CCDC148: variants seen among roughly 807,000 people sequenced by gnomAD.
The protein encoded by CCDC148 is coiled-coil domain-containing protein 148.
In CCDC148, 89 loss-of-function variants were observed where a neutral mutation model predicts 85.7. The observed-to-expected ratio is 1.04, with a 90% CI of 0.87 to 1.24. CCDC148 has a LOEUF of 1.24. CCDC148 is among the 50% of genes most tolerant of loss of function. CCDC148 has a pLI of 0.00. For synonymous variants in CCDC148, 230 were observed against 213.9 expected, an observed-to-expected ratio of 1.08 and a Z score of -0.66; for missense variants, 692 against 671.7, an observed-to-expected ratio of 1.03 and a Z score of -0.33.
At chr2:158,391,404 CA>C (rs1246647168) in intron 1 of CCDC148, among the ~76,000 whole-genome samples, 1 of 152,068 alleles carries the variant, frequency 6.6e-6, no homozygotes, top group Non-Finnish European at 1.5e-5. Flanking sequence ...AACATTTAAC[CA>C]AGATGACACA....
At position 158,178,878 on chromosome 2, in the gene CCDC148, C is replaced by G. The variant is rs1248257051; in HGVS notation, c.1488+1G>C. On this transcript the variant is annotated splice_donor_variant, in intron 12 of 13. Coordinates refer to ENST00000283233, the MANE Select transcript of CCDC148 (RefSeq NM_138803.4). LOFTEE classifies it high-confidence loss of function. The stretch of plus-strand genomic sequence containing the variant: ...CATGAAAATTTCCAAATGAAAAACA[C>G]CTGTTTCCTAAGGGCTTCTAGCCGC... The G allele has an allele frequency of 6.2e-7, 1 of 1,604,866 alleles. No homozygotes were observed. Among genetic ancestry groups the G allele is most frequent in the South Asian group, 1.1e-5 (1 of 89,788 alleles).
At chr2:158,325,928 AC>A (rs1692749084) in intron 7 of CCDC148, among the ~76,000 whole-genome samples, 2 of 152,022 alleles carry the variant, frequency 1.3e-5, no homozygotes, top group African/African-American at 4.8e-5. Context: ...TTGCACTTCT[AC>A]CCCCCAGCCC....
At chr2:158,295,248 A>G (rs983026984) in intron 9 of CCDC148, among the ~76,000 whole-genome samples, 8 of 152,042 alleles carry the variant, frequency 5.3e-5, no homozygotes, top group Non-Finnish European at 1.2e-4. Context: ...TACCAACCAA[A>G]AAGAATCCAG....
intron 9 of CCDC148, among the ~76,000 whole-genome samples, chr2:158,282,238 C>T (rs1358552918): frequency 6.6e-6 from 1 of 152,130 alleles, no homozygotes; most frequent in East Asian, 1.9e-4. Context: ...TGCCCTCTCT[C>T]ACCACTCCTA....
chr2:158,212,878 G>A (rs1686653314), intron 11 of CCDC148, among the ~76,000 whole-genome samples: 1 of 152,112 alleles, frequency 6.6e-6, no homozygotes, highest in Non-Finnish European at 1.5e-5. Flanking sequence ...TACTGTCTAG[G>A]AAAAGAGAAA....
chr2:158,362,818 A>G (rs1030545799), intron 1 of CCDC148, among the ~76,000 whole-genome samples: 2 of 152,186 alleles, frequency 1.3e-5, no homozygotes, highest in Non-Finnish European at 1.5e-5. Flanking sequence ...AATAACTAAG[A>G]TCAGAGAAGA....
chr2:158,303,540 T>C (rs897048709), intron 9 of CCDC148, among the ~76,000 whole-genome samples: 2 of 152,242 alleles, frequency 1.3e-5, no homozygotes, highest in Non-Finnish European at 1.5e-5. Flanking sequence ...GAAGAATTTA[T>C]AGATTTACTT....
At chr2:158,352,910 G>A (rs1413308003) in intron 2 of CCDC148, among the ~76,000 whole-genome samples, 1 of 151,706 alleles carries the variant, frequency 6.6e-6, no homozygotes, top group East Asian at 1.9e-4. Context: ...GAAGAGAGTG[G>A]GGGCCAATAT....
chr2:158,341,137 A>T (rs1682667943), intron 3 of CCDC148, among the ~76,000 whole-genome samples: 1 of 152,150 alleles, frequency 6.6e-6, no homozygotes, highest in African/African-American at 2.4e-5. Context: ...ACAGAGGTAG[A>T]AGTATACTTT....
intron 9 of CCDC148, among the ~76,000 whole-genome samples, chr2:158,255,312 C>T (rs759338286): frequency 8.0e-5 from 12 of 150,824 alleles, no homozygotes; most frequent in East Asian, 1.9e-4. Context: ...AAAAGGGGGG[C>T]GGGTAAAGGA....
chr2:158,332,747 T>A (rs567989868), intron 7 of CCDC148, among the ~76,000 whole-genome samples: 1 of 152,230 alleles, frequency 6.6e-6, no homozygotes, highest in African/African-American at 2.4e-5. Flanking sequence ...GACTTCTTCC[T>A]GGTTTAGACT....
At chr2:158,339,725 A>G (rs1682575751) in intron 5 of CCDC148, among the ~76,000 whole-genome samples, 1 of 152,218 alleles carries the variant, frequency 6.6e-6, no homozygotes, top group Admixed American at 6.5e-5. Flanking sequence ...GCAAAGAGTC[A>G]CATCAACAGG....
intron 1 of CCDC148, among the ~76,000 whole-genome samples, chr2:158,366,345 T>G (rs1057151097): frequency 1.3e-5 from 2 of 152,160 alleles, no homozygotes; most frequent in Non-Finnish European, 1.5e-5. Context: ...AAAAAATTTG[T>G]TATTAGAAAG....
At chr2:158,195,211 T>G (rs1265893315) in intron 11 of CCDC148, among the ~76,000 whole-genome samples, 2 of 152,096 alleles carry the variant, frequency 1.3e-5, no homozygotes, top group Non-Finnish European at 2.9e-5. Flanking sequence ...CTTTTCCCAC[T>G]TTCTACACAC....
At chr2:158,193,329 C>T (rs1173495496) in intron 11 of CCDC148, among the ~76,000 whole-genome samples, 1 of 152,070 alleles carries the variant, frequency 6.6e-6, no homozygotes, top group African/African-American at 2.4e-5. Context: ...TGAACAGAGA[C>T]AAACCTTTCT....
chr2:158,231,484 G>T (rs1370908938), intron 10 of CCDC148, among the ~76,000 whole-genome samples: 1 of 151,952 alleles, frequency 6.6e-6, no homozygotes, highest in Non-Finnish European at 1.5e-5. Context: ...ATATATTTGG[G>T]CATTTAGTAC....
intron 1 of CCDC148, among the ~76,000 whole-genome samples, chr2:158,392,622 A>G (rs1056998187): frequency 3.3e-5 from 5 of 152,130 alleles, no homozygotes; most frequent in Admixed American, 6.6e-5. Context: ...CTATATTTGT[A>G]AACTATTACA....
At chr2:158,425,926 T>C (rs1415513025) in intron 1 of CCDC148, among the ~76,000 whole-genome samples, 2 of 152,136 alleles carry the variant, frequency 1.3e-5, no homozygotes, top group Non-Finnish European at 2.9e-5. Flanking sequence ...ACATAATGAT[T>C]ATTAGTAACT....
In CCDC148 at chr2:158,263,030, A is replaced by G. The variant is rs1333004773; in HGVS notation, c.1111-12118T>C. Among the ~76,000 whole-genome samples, 3 of 152,040 alleles carry G rather than the reference A, an allele frequency of 2.0e-5. No individual in the cohort carries two copies. In the East Asian group the frequency reaches 5.8e-4, roughly 29 times the overall value. On this transcript the variant is annotated intron_variant, in intron 9 of 13. Transcript: ENST00000283233. ...TTAGCCTGACAAATTTCTTACACAG[A>G]ACACACTTCCTTCCACCTATCCCCT...
Sources: allele counts gnomAD v4.1 joint callset (sites outside exome capture counted in the v4.1 genomes callset), GRCh38; gene constraint gnomAD v4.1.1; transcripts MANE v1.5; gene names NCBI Gene and HGNC (gene_info 2026-07-23, HGNC 2026-07-21).